Variants in FUT8 observed in about 807,000 individuals in gnomAD.
FUT8 encodes the protein alpha-(1,6)-fucosyltransferase.
In FUT8, 29 loss-of-function variants were observed where a neutral mutation model predicts 71.3. That is an observed-to-expected ratio of 0.41 (90% CI 0.30 to 0.55). The LOEUF is 0.55. Ranked by LOEUF, FUT8 falls within the 20% of genes least tolerant of loss-of-function variation. The probability of loss-of-function intolerance (pLI) is 0.34; values close to 1 mark genes in which losing one functional copy is unlikely to be tolerated. For missense variants in FUT8, 544 were observed against 702.1 expected (o/e 0.77, Z 2.55); for synonymous variants, 254 against 239.3 (o/e 1.06, Z -0.57).
intron 2 of FUT8, among the ~76,000 whole-genome samples, chr14:65,531,516 C>T (rs542351976): frequency 3.9e-5 from 6 of 152,176 alleles, no homozygotes; most frequent in African/African-American, 1.4e-4. Context: ...TTGGATACCT[C>T]TGAAGAGATG....
intron 2 of FUT8, among the ~76,000 whole-genome samples, chr14:65,456,381 G>A (rs549920728): frequency 2.6e-5 from 4 of 152,092 alleles, no homozygotes; most frequent in Admixed American, 1.3e-4. Flanking sequence ...ATATATTTGA[G>A]GTTTATTCAT....
the FUT8 span, among the ~76,000 whole-genome samples, chr14:65,398,314 T>C: frequency 6.6e-6 from 1 of 152,270 alleles, no homozygotes; most frequent in African/African-American, 2.4e-5. Context: ...ACCCTGCTAA[T>C]TTTATGTATT....
the FUT8 span, among the ~76,000 whole-genome samples, chr14:65,366,639 A>G: frequency 6.6e-6 from 1 of 152,176 alleles, no homozygotes; most frequent in Non-Finnish European, 1.5e-5. Context: ...CCCTCAGAAT[A>G]GACTCTTAAA....
chr14:65,707,508 T>C (rs916761462), intron 7 of FUT8, among the ~76,000 whole-genome samples: 3 of 152,136 alleles, frequency 2.0e-5, no homozygotes, highest in African/African-American at 7.2e-5. Context: ...TCAGTTCCAT[T>C]TGTCTATTTT....
the FUT8 span, among the ~76,000 whole-genome samples, chr14:65,372,469 G>T: frequency 6.6e-6 from 1 of 150,776 alleles, no homozygotes; most frequent in Non-Finnish European, 1.5e-5. Context: ...GAGCTGGAGT[G>T]CAGTGGCGCG....
the FUT8 span, among the ~76,000 whole-genome samples, chr14:65,388,746 A>G: frequency 6.6e-6 from 1 of 152,288 alleles, no homozygotes; most frequent in Admixed American, 6.5e-5. Flanking sequence ...TGGGTGACAG[A>G]GTGAGATTCC....
At chr14:65,595,434 T>C (rs556419253) in intron 3 of FUT8, among the ~76,000 whole-genome samples, 1 of 152,138 alleles carries the variant, frequency 6.6e-6, no homozygotes, top group Non-Finnish European at 1.5e-5. Context: ...TCCTTAAAAG[T>C]AAAGTATTTT....
In FUT8 at chr14:65,545,380, A is replaced by G. The variant is rs569412325; in HGVS notation, c.-227-15957A>G. Among the ~76,000 whole-genome samples, 14 of 152,062 alleles carry G rather than the reference A, an allele frequency of 9.2e-5. No homozygotes were observed. The South Asian group carries it at 1.5e-3, about 16-fold the overall frequency. ...TATATGGCTCTTAAAATGTTTGTAC[A>G]TTATAATTGATAATTAGCTTTTCTT... is the stretch of plus-strand genomic sequence containing the variant. On this transcript the variant is annotated intron_variant, in intron 2 of 10. Transcript: ENST00000673929.
chr14:65,733,272 G>T lies in FUT8; in HGVS notation c.1301G>T (p.Trp434Leu). 6.2e-7 allele frequency: 1 copy of T among 1,603,344 alleles called. No homozygotes were observed. The highest frequency in any genetic ancestry group is 8.5e-7 in the Non-Finnish European group (1 of 1,173,040). The change falls in exon 10 of 11, where the codon TGG becomes TTG. Residue 434 changes from tryptophan to leucine, a missense_variant. Physicochemically the swap from Trp to Leu is moderately conservative, Grantham distance 61 (BLOSUM62 -2). Transcript: ENST00000673929. ...YEFISDNSIS[W>L]SAGLHNRYTE... The stretch of plus-strand genomic sequence containing the variant: ...TTTATTAGTGATAACTCTATTTCCT[G>T]GTCAGCTGGACTGCACAATCGATAC...
At chr14:65,664,614 T>C (rs576917238) in intron 6 of FUT8, among the ~76,000 whole-genome samples, 2 of 152,260 alleles carry the variant, frequency 1.3e-5, no homozygotes, top group Admixed American at 1.3e-4. Flanking sequence ...AAGGTACTTC[T>C]TCTGGAGGTA....
intron 2 of FUT8, among the ~76,000 whole-genome samples, chr14:65,538,426 A>G (rs1190146542): frequency 6.6e-6 from 1 of 152,078 alleles, no homozygotes; most frequent in East Asian, 1.9e-4. Flanking sequence ...CTTCCCTCTG[A>G]AGATCTGCTA....
At chr14:65,597,983 A>G (rs1888084079) in intron 3 of FUT8, among the ~76,000 whole-genome samples, 1 of 152,144 alleles carries the variant, frequency 6.6e-6, no homozygotes, top group South Asian at 2.1e-4. Context: ...AGTCTGGGCT[A>G]CATAGTGAGA....
chr14:65,578,742 G>A (rs1886922479), intron 3 of FUT8, among the ~76,000 whole-genome samples: 1 of 152,090 alleles, frequency 6.6e-6, no homozygotes, highest in Non-Finnish European at 1.5e-5. Context: ...GTCTGAAGGA[G>A]AACAAATATA....
chr14:65,589,584 C>G (rs1248188382), intron 3 of FUT8, among the ~76,000 whole-genome samples: 1 of 151,798 alleles, frequency 6.6e-6, no homozygotes, highest in African/African-American at 2.4e-5. Context: ...GCTGGGACTA[C>G]AGGCGCCCGC....
the FUT8 span, among the ~76,000 whole-genome samples, chr14:65,388,311 G>A: frequency 1.3e-5 from 2 of 152,056 alleles, no homozygotes; most frequent in Non-Finnish European, 2.9e-5. Context: ...GAAATATATA[G>A]GAATATTCTT....
chr14:65,596,406 A>T lies in FUT8; in HGVS notation c.204-19572A>T, dbSNP rs1887982409. On this transcript the variant is annotated intron_variant, in intron 3 of 10. Transcript: ENST00000673929. ...TTCACTTAGAACTCTTGATATTATCATATAATTTTATAGTATTCTTTCCAA... is the reference window on the plus strand; with the variant it reads ...TTCACTTAGAACTCTTGATATTATCTTATAATTTTATAGTATTCTTTCCAA... Among the ~76,000 whole-genome samples the T allele has an allele frequency of 1.3e-5, 2 of 152,208 alleles. 1 individual carries two copies. Among genetic ancestry groups the T allele is most frequent in the Middle Eastern group, 6.4e-3 (2 of 314 alleles).
chr14:65,641,422 C>T (rs1890823644), intron 6 of FUT8, among the ~76,000 whole-genome samples: 1 of 152,138 alleles, frequency 6.6e-6, no homozygotes, highest in African/African-American at 2.4e-5. Flanking sequence ...TGTTGATGAA[C>T]ACTTGGTTGT....
intron 1 of FUT8, among the ~76,000 whole-genome samples, chr14:65,431,416 C>G (rs1406048576): frequency 6.7e-6 from 1 of 148,576 alleles, no homozygotes; most frequent in Admixed American, 6.7e-5. Context: ...CTCAGGTGAT[C>G]CTCCTGCCTT....
intron 6 of FUT8, among the ~76,000 whole-genome samples, chr14:65,650,035 G>A (rs1433472966): frequency 2.6e-5 from 4 of 152,074 alleles, no homozygotes; most frequent in Admixed American, 6.5e-5. Context: ...GGTGGCTCAC[G>A]CCTGTAATGC....
Sources: allele counts gnomAD v4.1 joint callset (sites outside exome capture counted in the v4.1 genomes callset), GRCh38; gene constraint gnomAD v4.1.1; transcripts MANE v1.5; gene names NCBI Gene and HGNC (gene_info 2026-07-23, HGNC 2026-07-21).